Variants in FLII observed in about 807,000 individuals in gnomAD.
FLII encodes protein flightless-1 homolog.
Under a neutral mutation model 156.2 loss-of-function variants are expected in FLII, and 101 were observed. The ratio of observed to expected loss-of-function variants is 0.65; its 90% CI spans 0.55 to 0.76. The LOEUF is 0.76. Ranked by LOEUF, FLII falls within the 30% of genes least tolerant of loss-of-function variation. The probability of loss-of-function intolerance (pLI) is 0.00; values close to 1 mark genes in which losing one functional copy is unlikely to be tolerated. For synonymous variants in FLII, 767 were observed against 685.8 expected, an observed-to-expected ratio of 1.12 and a Z score of -1.85; for missense variants, 1,675 against 1,682.8, an observed-to-expected ratio of 1.00 and a Z score of 0.08.
chr17:18,248,086 C>T (rs893938756), intron 18 of FLII, 53 bp from the exon 19 acceptor site: 2 of 1,252,384 alleles, frequency 1.6e-6, no homozygotes, highest in African/African-American at 1.5e-5. Flanking sequence ...AGGAACCTCA[C>T]CCACACAGCC....
At position 18,253,380 on chromosome 17, in the gene FLII, C is replaced by T. The variant is rs2048325454; in HGVS notation, c.934G>A (p.Gly312Ser). 1 of 1,613,976 alleles carries T rather than the reference C, an allele frequency of 6.2e-7. No individual in the cohort carries two copies. Among genetic ancestry groups the T allele is most frequent in the Non-Finnish European group, 8.5e-7 (1 of 1,180,042 alleles). ...TCCAGGTTGGTGAGCTTGCCAATGC[C>T]TGAGGGCAGCCCGTCAAAGTCCAGC... ...NKLDFDGLPS[G>S]IGKLTNLEEF... The change falls in exon 9 of 30, where the codon GGC (glycine) becomes AGC (serine). Residue 312 changes from glycine to serine, a missense_variant. Gly to Ser is a moderately conservative substitution (Grantham distance 56, BLOSUM62 0). Around this residue, in one of 2 missense-constraint regions of FLII, gnomAD observed 343 missense variants for 413.5 expected, o/e 0.83. Transcript: ENST00000327031.
rs145111250 is a variant in FLII, at chr17:18,257,459, C to T, written c.64-440G>A. Among the ~76,000 whole-genome samples, 784 of 152,364 alleles carry T rather than the reference C, an allele frequency of 5.1e-3. 4 individuals carry two copies. The highest frequency in any genetic ancestry group is 7.1e-3 in the Non-Finnish European group (485 of 68,038). On this transcript the variant is annotated intron_variant, in intron 1 of 29. Coordinates refer to ENST00000327031, the MANE Select transcript of FLII (RefSeq NM_002018.4). Reference sequence around the variant, plus strand: ...CACACTGGCAACTCACGGCCAGGGTCAAACCCTTGCTTGCGGAGACCGTGG... The same window carrying T: ...CACACTGGCAACTCACGGCCAGGGTTAAACCCTTGCTTGCGGAGACCGTGG...
At chr17:18,247,107 G>A in intron 21 of FLII, 55 bp from the exon 22 acceptor site, 1 of 1,563,282 alleles carries the variant, frequency 6.4e-7, no homozygotes, top group Non-Finnish European at 8.6e-7. Context: ...CTGCGCATAG[G>A]CCCCGCCCTC....
At chr17:18,254,417 TGGCTGGGCCTAA>T in intron 6 of FLII, 92 bp downstream of exon 6, 1 of 1,189,782 alleles carries the variant, frequency 8.4e-7, no homozygotes, top group Middle Eastern at 2.9e-4. Flanking sequence ...CACGGAGGGA[TGGCTGGGCCTAA>T]GGGAGAAGGG....
chr17:18,252,407 C>T, intron 10 of FLII, 65 bp downstream of exon 10: 1 of 1,500,086 alleles, frequency 6.7e-7, no homozygotes. Context: ...TGCTGGGTCC[C>T]CCTTGCTCCA....
rs770807802 is a variant in FLII, at chr17:18,253,544, G to A, written c.855C>T (p.Pro285=). 98 of 1,612,772 alleles carry A rather than the reference G, an allele frequency of 6.1e-5. No homozygotes were observed. In the East Asian group the frequency reaches 1.7e-3, roughly 28 times the overall value. Residue 285 remains proline (P), a splice_region_variant and synonymous_variant, in exon 8 of 30, where the codon CCC becomes CCT. Transcript: ENST00000327031. ...NLSRNQLTSL[P]SAICKLSKLK... ...CCCCTACTGAGGGCCTCAGACGCAC[G>A]GGCAGTGAGGTGAGCTGATTTCGGG...
Position 18,245,414 on chromosome 17 carries a change from G to A in FLII, c.3615C>T (p.Tyr1205=), listed in dbSNP as rs1300663227. The A allele has an allele frequency of 3.1e-6, 5 of 1,614,186 alleles. No individual in the cohort carries two copies. The South Asian group carries it at 3.3e-5, about 11-fold the overall frequency. The change falls in exon 29 of 30, where the codon TAC becomes TAT. Residue 1205 remains tyrosine, a synonymous_variant. Coordinates refer to ENST00000327031, the MANE Select transcript of FLII (RefSeq NM_002018.4). ...IMLLDNGQEV[Y]MWVGTQTSQV... Reference sequence around the variant, plus strand: ...GGCTAGTCTGGGTCCCCACCCACATGTAGACCTGTGGGGGCAGCAGGGGAG... The same window carrying A: ...GGCTAGTCTGGGTCCCCACCCACATATAGACCTGTGGGGGCAGCAGGGGAG...
At chr17:18,252,611 G>T in intron 9 of FLII, 55 bp from the exon 10 acceptor site, 1 of 1,453,842 alleles carries the variant, frequency 6.9e-7, no homozygotes, top group Non-Finnish European at 9.7e-7. Context: ...AGGGGAAGTG[G>T]GCAAGAAAAC....
At position 18,245,262 on chromosome 17, in the gene FLII, T is replaced by C; in HGVS notation, c.3686A>G (p.Gln1229Arg). 1 of 1,613,250 alleles carries C rather than the reference T, an allele frequency of 6.2e-7. No individual in the cohort carries two copies. The highest frequency in any genetic ancestry group is 8.5e-7 in the Non-Finnish European group (1 of 1,179,310). ...LSLKACQVYI[Q>R]HMRSKEHERP... Reference sequence around the variant, plus strand: ...CTCATGTTCCTTGGACCGCATGTGCTGGATATATACCTGGCAAGGGGACAG... The same window carrying C: ...CTCATGTTCCTTGGACCGCATGTGCCGGATATATACCTGGCAAGGGGACAG... Residue 1229 changes from glutamine (Q) to arginine (R), a missense_variant, in exon 30 of 30, where the codon CAG (glutamine) becomes CGG (arginine). Transcript: ENST00000327031.
chr17:18,247,098 T>C lies in FLII; in HGVS notation c.2677-46A>G, dbSNP rs199684790. ...CCCCGCGGCAGGTCTGAGCGCGCTC[T>C]GCGCATAGGCCCCGCCCTCGGCCTG... On this transcript the variant is annotated intron_variant, in intron 21 of 29. Coordinates refer to ENST00000327031, the MANE Select transcript of FLII (RefSeq NM_002018.4). 53 of 1,587,472 alleles carry C rather than the reference T, an allele frequency of 3.3e-5. No individual in the cohort carries two copies. In the East Asian group the frequency reaches 7.2e-4, roughly 22 times the overall value.
rs1026565854 is a variant in FLII, at chr17:18,246,753, G to T, written c.2892C>A (p.Gly964=). The change falls in exon 23 of 30, where the codon GGC becomes GGA. Residue 964 remains glycine (G), a synonymous_variant. Transcript: ENST00000327031. ...CCTCTGCCTCAGCGGTTGCTTCCTC[G>T]CCTTCTTTGCCCTCGGCCTTCTCCT... is the stretch of plus-strand genomic sequence containing the variant. ...DKEEKAEGKE[G]EEATAEAEEK... is the part of the protein sequence containing the mutation. 6.2e-7 allele frequency: 1 copy of T among 1,613,580 alleles called. No individual in the cohort carries two copies. Among genetic ancestry groups the T allele is most frequent in the Non-Finnish European group, 8.5e-7 (1 of 1,179,798 alleles).
chr17:18,256,300 T>C (rs2048415655), intron 3 of FLII, among the ~76,000 whole-genome samples: 1 of 152,254 alleles, frequency 6.6e-6, no homozygotes, highest in Non-Finnish European at 1.5e-5. Context: ...ATTTTGGATT[T>C]CTTTACCTTT....
At chr17:18,253,261 T>G in intron 9 of FLII, 40 bp downstream of exon 9, 2 of 1,610,636 alleles carry the variant, frequency 1.2e-6, no homozygotes, top group Non-Finnish European at 1.7e-6. Flanking sequence ...GGGTTCTCTG[T>G]GCTGCAAGTG....
chr17:18,251,378 C>A lies in FLII; in HGVS notation c.1483G>T (p.Val495Leu), dbSNP rs1291085802. The A allele has an allele frequency of 6.2e-7, 1 of 1,613,586 alleles. No individual in the cohort carries two copies. Residue 495 changes from valine to leucine, a missense_variant, in exon 13 of 30, where the codon GTG (valine) becomes TTG (leucine). By Grantham distance (32) the Val-to-Leu change is conservative. This residue lies in a region of FLII where 1,332 missense variants were observed against 1,269.3 expected (regional missense o/e 1.05). Transcript: ENST00000327031. ...LDYSEFFTED[V>L]GQLPGLTIWQ... ...ATGGTCAGTCCGGGCAGCTGGCCCACGTCCTCCGTGAAGAACTCGGAGTAG... is the reference window on the plus strand; with the variant it reads ...ATGGTCAGTCCGGGCAGCTGGCCCAAGTCCTCCGTGAAGAACTCGGAGTAG...
In FLII at chr17:18,256,511, C is replaced by T. The variant is rs1218021609; in HGVS notation, c.246+15G>A. 3 of 1,548,868 alleles carry T rather than the reference C, an allele frequency of 1.9e-6. No individual in the cohort carries two copies. The highest frequency in any genetic ancestry group is 2.0e-5 in the Admixed American group (1 of 50,974). On this transcript the variant is annotated intron_variant, in intron 3 of 29. Transcript: ENST00000327031. ...CCCCAACCCCAAGCTCGGTGGCCTC[C>T]CGGCCAGCACTCACGCGCAGCGATG...
chr17:18,245,837 CCTT>C lies in FLII; in HGVS notation c.3407_3409del (p.Glu1136del), dbSNP rs2048024815. On this transcript the variant is annotated inframe_deletion, in exon 27 of 30. Coordinates refer to ENST00000327031, the MANE Select transcript of FLII (RefSeq NM_002018.4). ...CCAGAAGAAGTTCTCAGGCTCCTCA[CCTT>C]CGTTGATAACCTGCGGGAAAGGCCA... is the stretch of plus-strand genomic sequence containing the variant. The C allele has an allele frequency of 1.9e-6, 3 of 1,614,028 alleles. No individual in the cohort carries two copies. In the East Asian group the frequency reaches 6.7e-5, roughly 36 times the overall value.
Position 18,248,637 on chromosome 17 carries a change from C to G in FLII, c.2103G>C (p.Glu701Asp). The change falls in exon 18 of 30, where the codon GAG becomes GAC. Residue 701 changes from glutamate to aspartate, a missense_variant. Physicochemically the swap from Glu to Asp is conservative, Grantham distance 45. Transcript: ENST00000327031. ...TLLVQGQELPEFWEALGGEPS... is the reference protein window; with the variant it reads ...TLLVQGQELPDFWEALGGEPS... ...GCTCCCCACCCAGTGCCTCCCAGAACTCTGGGAGCTCCTGGCCCTGCACCA... is the reference window on the plus strand; with the variant it reads ...GCTCCCCACCCAGTGCCTCCCAGAAGTCTGGGAGCTCCTGGCCCTGCACCA... 6.2e-7 allele frequency: 1 copy of G among 1,613,748 alleles called. No homozygotes were observed. Among genetic ancestry groups the G allele is most frequent in the Non-Finnish European group, 8.5e-7 (1 of 1,179,732 alleles).
rs2048064329 is a variant in FLII at position 18,246,576 on chromosome 17, C to T, written c.3051+18G>A. On this transcript the variant is annotated intron_variant, in intron 23 of 29. Transcript: ENST00000327031. ...ACCCCTCCGCCTGGCCTCGGGCTCG[C>T]GGGGCTGCCAGGCACACCTCCAGCT... 6.2e-7 allele frequency: 1 copy of T among 1,613,154 alleles called. No homozygotes were observed. Among genetic ancestry groups the T allele is most frequent in the South Asian group, 1.1e-5 (1 of 91,072 alleles).
chr17:18,247,165 C>T lies in FLII; in HGVS notation c.2676+4G>A. On this transcript the variant is annotated splice_donor_region_variant and intron_variant, in intron 21 of 29. Coordinates refer to ENST00000327031, the MANE Select transcript of FLII (RefSeq NM_002018.4). ...CCGCGCCCCGGTCCCGGCCCTGCCC[C>T]CACCTCGGCCAGCGACATGGGCGGC... is the stretch of plus-strand genomic sequence containing the variant. 1 of 1,548,452 alleles carries T rather than the reference C, an allele frequency of 6.5e-7. No individual in the cohort carries two copies. The highest frequency in any genetic ancestry group is 8.7e-7 in the Non-Finnish European group (1 of 1,153,874).
Sources: gnomAD v4.1 joint callset for allele counts (sites outside exome capture counted in the v4.1 genomes callset) on GRCh38, gnomAD v4.1.1 for gene constraint, gnomAD v4.1.1 regional missense constraint, MANE v1.5 for transcripts, NCBI Gene and HGNC (gene_info 2026-07-23, HGNC 2026-07-21) for gene names.